IRAG1: variants seen among roughly 807,000 people sequenced by gnomAD.
IRAG1 encodes the protein inositol 1,4,5-triphosphate receptor associated 1.
Under a neutral mutation model 106.2 loss-of-function variants are expected in IRAG1, and 62 were observed. The ratio of observed to expected loss-of-function variants is 0.58; its 90% confidence interval spans 0.48 to 0.72. The LOEUF is 0.72. IRAG1 is among the 30% of genes least tolerant of loss of function. The probability of loss-of-function intolerance (pLI) is 0.00; values close to 1 mark genes in which losing one functional copy is unlikely to be tolerated. For missense variants in IRAG1, 1,064 were observed against 1,140.7 expected (o/e 0.93, Z 0.97); for synonymous variants, 462 against 443.9 (o/e 1.04, Z -0.51).
At chr11:10,584,586 T>TATATATATA (rs1851753165) in intron 18 of IRAG1, among the ~76,000 whole-genome samples, 1 of 122,224 alleles carries the variant, frequency 8.2e-6, no homozygotes, top group Non-Finnish European at 1.8e-5. Flanking sequence ...TATATATATA[T>TATATATATA]GAAATGAGAT....
At chr11:10,580,401 G>T in intron 20 of IRAG1, 54 bp downstream of exon 20, 2 of 1,579,778 alleles carry the variant, frequency 1.3e-6, no homozygotes, top group South Asian at 2.4e-5. Flanking sequence ...TAAATTAGAT[G>T]AATTGTAACC....
chr11:10,633,353 G>A (rs1564919720), intron 3 of IRAG1, among the ~76,000 whole-genome samples: 1 of 152,060 alleles, frequency 6.6e-6, no homozygotes, highest in Non-Finnish European at 1.5e-5. Flanking sequence ...AGGATTACAG[G>A]CATGAGCCAC....
Position 10,693,674 on chromosome 11 carries a change from C to A in IRAG1, c.-72G>T. On this transcript the variant is annotated 5_prime_UTR_variant, in exon 1 of 21. Coordinates refer to ENST00000423302, the MANE Select transcript of IRAG1 (RefSeq NM_130385.4). ...CTCTGGCTGCAGAACCTCGGCCGCA[C>A]GCCTCCTCTGAGAGGGGCTGGGACT... The A allele has an allele frequency of 2.7e-6, 4 of 1,496,200 alleles. No homozygotes were observed. Among genetic ancestry groups the A allele is most frequent in the Non-Finnish European group, 3.6e-6 (4 of 1,113,766 alleles). 92.7% of individuals were successfully genotyped at this position (1,496,200 alleles called of 1,614,324 possible). A position where few individuals can be genotyped will look rare whatever the true frequency, so the allele number is the denominator to read the frequency against.
chr11:10,650,601 G>A (rs761562262), intron 2 of IRAG1, among the ~76,000 whole-genome samples: 1 of 152,220 alleles, frequency 6.6e-6, no homozygotes, highest in Non-Finnish European at 1.5e-5. Flanking sequence ...CATGGCCTGA[G>A]GGTCTGGAAG....
chr11:10,657,075 G>C lies in IRAG1; in HGVS notation c.68-4893C>G, dbSNP rs576334297. 6.6e-6 allele frequency among the ~76,000 whole-genome samples: 1 copy of C among 152,326 alleles called. No individual in the cohort carries two copies. The highest frequency in any genetic ancestry group is 2.4e-5 in the African/African-American group (1 of 41,582). ...AGGACGCGGAGGCCGGCCCTGCCTT[G>C]TAGGCTTCAAAGGCCTTACTGTATC... On this transcript the variant is annotated intron_variant, in intron 1 of 20. Coordinates refer to ENST00000423302, the MANE Select transcript of IRAG1 (RefSeq NM_130385.4). This position sits in a 1 kb window ranked among gnomAD's most constrained non-coding sequence, Gnocchi z 4.1.
chr11:10,581,789 A>G, intron 19 of IRAG1, 78 bp downstream of exon 19: 1 of 1,547,566 alleles, frequency 6.5e-7, no homozygotes, highest in South Asian at 1.2e-5. Context: ...TAAAGCCTCT[A>G]AGAAACAAGA....
chr11:10,691,197 C>T (rs1862030735), intron 1 of IRAG1, among the ~76,000 whole-genome samples: 1 of 152,168 alleles, frequency 6.6e-6, no homozygotes, highest in South Asian at 2.1e-4. Context: ...CCCTGTGTAA[C>T]CAGAACCCAC....
intron 15 of IRAG1, among the ~76,000 whole-genome samples, chr11:10,599,039 G>C (rs1189606868): frequency 6.6e-6 from 1 of 152,336 alleles, no homozygotes; most frequent in East Asian, 1.9e-4. Flanking sequence ...CTGAGGTATA[G>C]CTTGGAAGAA....
intron 14 of IRAG1, among the ~76,000 whole-genome samples, chr11:10,602,724 A>G (rs1591590768): frequency 6.6e-6 from 1 of 152,348 alleles, no homozygotes; most frequent in East Asian, 1.9e-4. Flanking sequence ...GGAGTTGAAC[A>G]GGTATTTTTT....
chr11:10,689,120 C>T (rs930846140), intron 1 of IRAG1, among the ~76,000 whole-genome samples: 6 of 152,156 alleles, frequency 3.9e-5, no homozygotes, highest in African/African-American at 1.4e-4. Context: ...AAAAGCAATA[C>T]CACTTACCAC....
intron 3 of IRAG1, among the ~76,000 whole-genome samples, chr11:10,633,329 C>T (rs1343347189): frequency 6.6e-6 from 1 of 152,152 alleles, no homozygotes; most frequent in African/African-American, 2.4e-5. Flanking sequence ...CCCGCCTTGG[C>T]CTCCCAAAGT....
chr11:10,629,934 C>T, intron 4 of IRAG1: 5 of 500,918 alleles, frequency 1.0e-5, no homozygotes, highest in Non-Finnish European at 1.8e-5. Context: ...CACAAATGGT[C>T]CTGGAGCCAT....
rs377221329 is a variant in IRAG1 at position 10,677,382 on chromosome 11, AT to A, written c.67+16153del. ...TTTATGACTTGAGAGTAATTTATACATTTTTTTTGAGAGCAGGGAGCATGTC... is the reference window on the plus strand; with the variant it reads ...TTTATGACTTGAGAGTAATTTATACATTTTTTTGAGAGCAGGGAGCATGTC... On this transcript the variant is annotated intron_variant, in intron 1 of 20. Transcript: ENST00000423302. Among the ~76,000 whole-genome samples, 968 of 151,970 alleles carry A rather than the reference AT, an allele frequency of 6.4e-3. 9 individuals carry two copies. The highest frequency in any genetic ancestry group is 0.022 in the African/African-American group (896 of 41,456).
In IRAG1 at chr11:10,590,916, T is replaced by G. The variant is rs576793049; in HGVS notation, c.2240+632A>C. Reference sequence around the variant, plus strand: ...TGACCCTCTCACCAACCCCAGGGAATAGTTTAATCCCATAATGACAATCCC... The same window carrying G: ...TGACCCTCTCACCAACCCCAGGGAAGAGTTTAATCCCATAATGACAATCCC... On this transcript the variant is annotated intron_variant, in intron 18 of 20. Transcript: ENST00000423302. Among the ~76,000 whole-genome samples the G allele has an allele frequency of 2.6e-5, 4 of 152,312 alleles. No individual in the cohort carries two copies. In the South Asian group the frequency reaches 8.3e-4, roughly 32 times the overall value.
intron 1 of IRAG1, among the ~76,000 whole-genome samples, chr11:10,684,051 T>A (rs985601620): frequency 1.3e-5 from 2 of 152,102 alleles, no homozygotes; most frequent in Non-Finnish European, 2.9e-5. Context: ...GCTAAAAAAA[T>A]TTTCTCTAAA....
At chr11:10,642,048 G>A (rs901348558) in intron 2 of IRAG1, among the ~76,000 whole-genome samples, 1 of 152,140 alleles carries the variant, frequency 6.6e-6, no homozygotes, top group African/African-American at 2.4e-5. Flanking sequence ...CCTCCAGGAA[G>A]CCCTCAAACC....
chr11:10,597,817 C>T (rs1285816162), intron 15 of IRAG1, among the ~76,000 whole-genome samples: 9 of 152,204 alleles, frequency 5.9e-5, no homozygotes, highest in Non-Finnish European at 1.3e-4. Flanking sequence ...AAGTCATCTT[C>T]AGTGAGGCTT....
rs770540932 is a variant in IRAG1, at chr11:10,626,405, G to A, written c.929C>T (p.Thr310Ile). The A allele has an allele frequency of 6.2e-7, 1 of 1,613,874 alleles. No homozygotes were observed. The highest frequency in any genetic ancestry group is 8.5e-7 in the Non-Finnish European group (1 of 1,179,888). The change falls in exon 9 of 21, where the codon ACA becomes ATA. Residue 310 changes from threonine to isoleucine, a missense_variant. Coordinates refer to ENST00000423302, the MANE Select transcript of IRAG1 (RefSeq NM_130385.4). Reference sequence around the variant, plus strand: ...CAGGGCCATTTTCCCACTGCTGTTTGTAACAGGAGCTAGGCCTTTGGGTGT... The same window carrying A: ...CAGGGCCATTTTCCCACTGCTGTTTATAACAGGAGCTAGGCCTTTGGGTGT... ...ETTPKGLAPV[T>I]NSSGKMALNS...
chr11:10,632,360 A>AT (rs1177194070), intron 3 of IRAG1, among the ~76,000 whole-genome samples: 1 of 151,730 alleles, frequency 6.6e-6, no homozygotes, highest in African/African-American at 2.4e-5. Flanking sequence ...TAATTTTTGT[A>AT]TTTTTAGTGG....
Sources: allele counts gnomAD v4.1 joint callset (sites outside exome capture counted in the v4.1 genomes callset), GRCh38; gene constraint gnomAD v4.1.1; non-coding constraint Gnocchi (gnomAD v3.1); transcripts MANE v1.5; gene names NCBI Gene and HGNC (gene_info 2026-07-23, HGNC 2026-07-21).